Variants in PAXIP1 observed in about 807,000 individuals in gnomAD.
PAXIP1 encodes PAX interacting protein 1.
In PAXIP1, 19 loss-of-function variants were observed where a neutral mutation model predicts 140.6. That is an observed-to-expected ratio of 0.14 (90% CI 0.09 to 0.20). PAXIP1 has a LOEUF of 0.20. Among genes scored for constraint, PAXIP1 ranks in the 10% least tolerant of loss-of-function variants. PAXIP1 has a pLI of 1.00. For synonymous variants in PAXIP1, 442 were observed against 444.6 expected (o/e 0.99, Z 0.07); for missense variants, 920 against 1,208.6 (o/e 0.76, Z 3.54).
rs1430416781 is a variant in PAXIP1 at position 154,963,802 on chromosome 7, C to T, written c.1894-36G>A. ...AGACCCGACCAATGCAGTCATCAAT[C>T]ACTCAGAATAGAGGAGAATTCCAAT... On this transcript the variant is annotated intron_variant, in intron 8 of 20. Transcript: ENST00000404141. This position sits in a 1 kb window ranked among gnomAD's most constrained non-coding sequence, Gnocchi z 4.1. 4 of 1,416,638 alleles carry T rather than the reference C, an allele frequency of 2.8e-6. No individual in the cohort carries two copies. The highest frequency in any genetic ancestry group is 4.0e-6 in the Non-Finnish European group (4 of 1,004,758). The allele number at this position is 1,416,638 out of a possible 1,614,324, so 87.8% of individuals were successfully genotyped here.
At position 155,002,922 on chromosome 7, in the gene PAXIP1, TC is replaced by T; in HGVS notation, c.7del (p.Asp3ThrfsTer43). 7.5e-7 allele frequency: 1 copy of T among 1,331,470 alleles called. No homozygotes were observed. 82.5% of individuals were successfully genotyped at this position (1,331,470 alleles called of 1,614,324 possible). MSDQAPKVPEEMF... is the reference protein window; with the variant it reads MSXQAPKVPEEMF... ...CTCCTCAGGAACTTTGGGCGCCTGGTCCGACATGATCGCGGCGGCCCGGGAG... is the reference window on the plus strand; with the variant it reads ...CTCCTCAGGAACTTTGGGCGCCTGGTCGACATGATCGCGGCGGCCCGGGAG... On this transcript the variant is annotated frameshift_variant, in exon 1 of 21. Coordinates refer to ENST00000404141, the MANE Select transcript of PAXIP1 (RefSeq NM_007349.4). LOFTEE classifies it high-confidence loss of function.
intron 5 of PAXIP1, among the ~76,000 whole-genome samples, chr7:154,978,645 A>G (rs1380898083): frequency 6.6e-6 from 1 of 152,224 alleles, no homozygotes; most frequent in Non-Finnish European, 1.5e-5. Context: ...ACACAGCAGA[A>G]TATTTATGAA....
intron 1 of PAXIP1, chr7:155,000,490 T>C (rs1810840365): frequency 6.6e-6 from 1 of 152,392 alleles, no homozygotes; most frequent in East Asian, 1.9e-4. Flanking sequence ...TTCCACGCGC[T>C]TGTGATGCAA....
At chr7:154,955,778 T>C (rs1808479597) in intron 14 of PAXIP1, 147 bp from the exon 15 acceptor site, 4 of 524,030 alleles carry the variant, frequency 7.6e-6, no homozygotes, top group Non-Finnish European at 1.4e-5. Context: ...ATGAGCTATC[T>C]GTCCTTCCTT....
At chr7:154,990,037 CTTTTTTTTTTTT>C (rs749788206) in intron 4 of PAXIP1, among the ~76,000 whole-genome samples, 1 of 109,948 alleles carries the variant, frequency 9.1e-6, no homozygotes, top group Admixed American at 1.1e-4. Context: ...ATAAGTTTCT[CTTTTTTTTTTTT>C]TTTTTTTTTG....
intron 6 of PAXIP1, among the ~76,000 whole-genome samples, chr7:154,971,446 C>T (rs1460065950): frequency 2.6e-5 from 4 of 152,202 alleles, no homozygotes; most frequent in East Asian, 1.9e-4. Context: ...CTTGAGGAAG[C>T]GAGAGGTGCA....
chr7:154,969,178 A>G, intron 6 of PAXIP1, 52 bp from the exon 7 acceptor site: 1 of 1,429,978 alleles, frequency 7.0e-7, no homozygotes, highest in Non-Finnish European at 9.2e-7. Context: ...GAAACAGATG[A>G]ATGATAATTT....
At chr7:154,991,547 C>T (rs1001273153) in intron 3 of PAXIP1, among the ~76,000 whole-genome samples, 1 of 152,224 alleles carries the variant, frequency 6.6e-6, no homozygotes, top group East Asian at 1.9e-4. Flanking sequence ...TTTATTATCT[C>T]CGCTAACTTT....
intron 5 of PAXIP1, among the ~76,000 whole-genome samples, chr7:154,982,571 G>A (rs11763873): frequency 0.24 from 35,890 of 152,026 alleles, 5,143 homozygotes; most frequent in Middle Eastern, 0.38. Flanking sequence ...GGCTGGTCTC[G>A]AACTCCTGAC....
chr7:154,960,831 GGTAGAAGTAATGCTAATGATTTTATT>G, intron 12 of PAXIP1, 36 bp downstream of exon 12: 2 of 1,189,686 alleles, frequency 1.7e-6, no homozygotes, highest in East Asian at 5.3e-5. Context: ...ATAAAAAGAT[GGTAGAAGTAATGCTAATGATTTTATT>G]TAAGTAAGAT....
chr7:154,963,930 C>T lies in PAXIP1; in HGVS notation c.1894-164G>A. ...CAGTTCTATTTACGGACTTTTCTACCCAGCACCATACAATGAAAATGAACT... is the reference window on the plus strand; with the variant it reads ...CAGTTCTATTTACGGACTTTTCTACTCAGCACCATACAATGAAAATGAACT... On this transcript the variant is annotated intron_variant, in intron 8 of 20. Transcript: ENST00000404141. This position sits in a 1 kb window ranked among gnomAD's most constrained non-coding sequence, Gnocchi z 4.1. 1 of 589,374 alleles carries T rather than the reference C, an allele frequency of 1.7e-6. No individual in the cohort carries two copies. Among genetic ancestry groups the T allele is most frequent in the South Asian group, 2.0e-5 (1 of 49,302 alleles). 36.5% of individuals were successfully genotyped at this position (589,374 alleles called of 1,614,324 possible).
chr7:154,980,578 C>A (rs1809795205), intron 5 of PAXIP1, among the ~76,000 whole-genome samples: 1 of 151,718 alleles, frequency 6.6e-6, no homozygotes, highest in East Asian at 1.9e-4. Context: ...CCACATCCAG[C>A]TAATTTTTTA....
At chr7:155,000,484 A>G (rs1057492812) in intron 1 of PAXIP1, 2 of 152,208 alleles carry the variant, frequency 1.3e-5, no homozygotes, top group Non-Finnish European at 2.9e-5. Context: ...ACATCCTTCC[A>G]CGCGCTTGTG....
intron 1 of PAXIP1, chr7:155,001,371 A>AC (rs1314023109): frequency 4.6e-5 from 7 of 152,224 alleles, no homozygotes; most frequent in Admixed American, 4.6e-4. Flanking sequence ...CAAAAACAAA[A>AC]AAACAAACAA....
Position 154,976,248 on chromosome 7 carries a change from G to A in PAXIP1, c.522C>T (p.Thr174=). 6.2e-7 allele frequency: 1 copy of A among 1,613,788 alleles called. No individual in the cohort carries two copies. Among genetic ancestry groups the A allele is most frequent in the African/African-American group, 1.3e-5 (1 of 74,972 alleles). ...GATGATAAAATGCTTCGTCCTTTTT[G>A]GTTTTCTCTGATACGCAATCCAGAA... ...DWVLDCVSEK[T]KKDEAFYHPR... is the part of the protein sequence containing the mutation. Residue 174 remains threonine (T), a synonymous_variant, in exon 6 of 21, where the codon ACC becomes ACT. Transcript: ENST00000404141.
intron 8 of PAXIP1, among the ~76,000 whole-genome samples, chr7:154,966,565 T>C (rs1020904497): frequency 2.0e-5 from 3 of 152,224 alleles, no homozygotes; most frequent in Non-Finnish European, 1.5e-5. Flanking sequence ...CCACTAACTT[T>C]TGTATCTTTG....
Position 154,954,376 on chromosome 7 carries a change from G to A in PAXIP1, c.2700C>T (p.Cys900=), listed in dbSNP as rs143075014. ...GGEVAESAQK[C]THLIASKVTR... is the part of the protein sequence containing the mutation. ...TCACTTTGCTGGCAATGAGGTGTGT[G>A]CACTTCTGTGCAGACTCCGCAACCT... Residue 900 remains cysteine (C), a synonymous_variant, in exon 16 of 21, where the codon TGC becomes TGT. Coordinates refer to ENST00000404141, the MANE Select transcript of PAXIP1 (RefSeq NM_007349.4). This position sits in a 1 kb window ranked among gnomAD's most constrained non-coding sequence, Gnocchi z 5.1. 9.4e-4 allele frequency: 1,501 copies of A among 1,602,930 alleles called. 21 individuals carry two copies. The Admixed American group carries it at 0.024, about 25-fold the overall frequency.
chr7:154,944,600 A>G (rs542823951), intron 20 of PAXIP1: 1 of 154,558 alleles, frequency 6.5e-6, no homozygotes, highest in East Asian at 1.9e-4. Flanking sequence ...CAAGCTATGG[A>G]TATGAAAAAA....
In PAXIP1 at chr7:154,956,758, A is replaced by G. The variant is rs1808529417; in HGVS notation, c.2549+466T>C. ...GGCAGATCCAAGGAGCATACCCAAGATGACGCCACAGCCTACATGCTCTCT... is the reference window on the plus strand; with the variant it reads ...GGCAGATCCAAGGAGCATACCCAAGGTGACGCCACAGCCTACATGCTCTCT... On this transcript the variant is annotated intron_variant, in intron 14 of 20. Transcript: ENST00000404141. This position sits in a 1 kb window ranked among gnomAD's most constrained non-coding sequence, Gnocchi z 4.2. 6.5e-6 allele frequency: 1 copy of G among 153,956 alleles called. No individual in the cohort carries two copies. The highest frequency in any genetic ancestry group is 1.4e-5 in the Non-Finnish European group (1 of 69,404). The allele number at this position is 153,956 out of a possible 1,614,324, so 9.5% of individuals were successfully genotyped here.
Sources: allele counts gnomAD v4.1 joint callset (sites outside exome capture counted in the v4.1 genomes callset), GRCh38; gene constraint gnomAD v4.1.1; non-coding constraint Gnocchi (gnomAD v3.1); transcripts MANE v1.5; gene names NCBI Gene and HGNC (gene_info 2026-07-23, HGNC 2026-07-21).